TMPRSS11E: variants seen among roughly 807,000 people sequenced by gnomAD.
The protein encoded by TMPRSS11E is transmembrane serine protease 11E, also known as transmembrane protease serine 11E.
TMPRSS11E carries 38 observed loss-of-function variants against 48.1 expected under a neutral mutation model. The ratio of observed to expected loss-of-function variants is 0.79; its 90% CI spans 0.61 to 1.04. The LOEUF is 1.04. Among genes scored for constraint, TMPRSS11E ranks in the 50% least tolerant of loss-of-function variants. TMPRSS11E has a pLI of 0.00. For synonymous variants in TMPRSS11E, 158 were observed against 171.9 expected, an observed-to-expected ratio of 0.92 and a Z score of 0.63; for missense variants, 530 against 510.8, an observed-to-expected ratio of 1.04 and a Z score of -0.36.
chr4:68,452,066 G>T (rs970354094), intron 1 of TMPRSS11E, among the ~76,000 whole-genome samples: 2 of 151,900 alleles, frequency 1.3e-5, no homozygotes, highest in Non-Finnish European at 2.9e-5. Context: ...ATTGCTGTAT[G>T]CATTCTCTAA....
intron 9 of TMPRSS11E, among the ~76,000 whole-genome samples, chr4:68,483,248 CGAGA>C (rs368920205): frequency 3.3e-5 from 5 of 150,742 alleles, no homozygotes; most frequent in African/African-American, 7.3e-5. Flanking sequence ...AAAGCAGGAG[CGAGA>C]GAGAGAGAGA....
At chr4:68,494,323 C>T (rs572369100) in intron 9 of TMPRSS11E, among the ~76,000 whole-genome samples, 1 of 152,154 alleles carries the variant, frequency 6.6e-6, no homozygotes, top group Non-Finnish European at 1.5e-5. Context: ...CAACAGGCAT[C>T]ATGAAATGTT....
chr4:68,461,253 G>T (rs1376110632), intron 1 of TMPRSS11E, among the ~76,000 whole-genome samples: 2 of 152,148 alleles, frequency 1.3e-5, no homozygotes, highest in Non-Finnish European at 2.9e-5. Context: ...GGGGCCTCTG[G>T]TTGTTTCTTC....
At chr4:68,480,323 A>T (rs1018883441) in intron 9 of TMPRSS11E, among the ~76,000 whole-genome samples, 2 of 150,400 alleles carry the variant, frequency 1.3e-5, no homozygotes, top group Non-Finnish European at 1.5e-5. Flanking sequence ...TTTTTTTTGC[A>T]CTCTAGTTTC....
intron 5 of TMPRSS11E, among the ~76,000 whole-genome samples, chr4:68,472,477 C>T (rs890252971): frequency 2.0e-5 from 3 of 151,916 alleles, no homozygotes; most frequent in Non-Finnish European, 2.9e-5. Flanking sequence ...TGGAATCTAG[C>T]GTACATTTTA....
At chr4:68,462,032 T>C in intron 2 of TMPRSS11E, 87 bp downstream of exon 2, 1 of 1,525,160 alleles carries the variant, frequency 6.6e-7, no homozygotes, top group Non-Finnish European at 9.0e-7. Context: ...GGCTTATTCA[T>C]TTATCACTAC....
chr4:68,493,890 A>G (rs1306678275), intron 9 of TMPRSS11E, among the ~76,000 whole-genome samples: 1 of 151,906 alleles, frequency 6.6e-6, no homozygotes, highest in Non-Finnish European at 1.5e-5. Context: ...CATATGTAAA[A>G]ATTTTTCCTT....
chr4:68,471,679 C>A (rs916312653), intron 5 of TMPRSS11E, 56 bp downstream of exon 5: 2 of 1,380,060 alleles, frequency 1.4e-6, no homozygotes, highest in African/African-American at 1.5e-5. Context: ...TAGGTTTGAT[C>A]TTGGCACTTA....
At chr4:68,466,837 C>T in intron 3 of TMPRSS11E, 85 bp downstream of exon 3, 1 of 1,532,212 alleles carries the variant, frequency 6.5e-7, no homozygotes, top group Non-Finnish European at 9.0e-7. Context: ...AAGATCCATT[C>T]AACTAACGGA....
At position 68,461,854 on chromosome 4, in the gene TMPRSS11E, T is replaced by C. The variant is rs767123146; in HGVS notation, c.45T>C (p.Cys15=). The change falls in exon 2 of 10, where the codon TGT becomes TGC. Residue 15 remains cysteine (C), a synonymous_variant. Transcript: ENST00000305363. ...TGGTGAGGGCTAGGAAAAGAGTTTG[T>C]TGGGAACCCTGGGTTATCGGCCTCG... is the stretch of plus-strand genomic sequence containing the variant. ...PDVVRARKRV[C]WEPWVIGLVI... 1.2e-6 allele frequency: 2 copies of C among 1,614,220 alleles called. No individual in the cohort carries two copies. The highest frequency in any genetic ancestry group is 1.1e-5 in the South Asian group (1 of 91,090).
At chr4:68,451,798 A>G (rs990762398) in intron 1 of TMPRSS11E, among the ~76,000 whole-genome samples, 3 of 151,842 alleles carry the variant, frequency 2.0e-5, no homozygotes, top group Non-Finnish European at 4.4e-5. Flanking sequence ...AGGCTCAGAC[A>G]GGTAATTTTT....
intron 9 of TMPRSS11E, among the ~76,000 whole-genome samples, chr4:68,483,021 A>G (rs898384993): frequency 1.3e-5 from 2 of 152,100 alleles, no homozygotes; most frequent in Admixed American, 6.5e-5. Context: ...GCAATGCCAC[A>G]CTCATAGTTA....
At chr4:68,490,700 G>A (rs995374665) in intron 9 of TMPRSS11E, among the ~76,000 whole-genome samples, 4 of 147,902 alleles carry the variant, frequency 2.7e-5, no homozygotes, top group Non-Finnish European at 5.9e-5. Flanking sequence ...TAGATGGGGA[G>A]AGTTATTCCT....
chr4:68,492,567 T>C (rs4694433), intron 9 of TMPRSS11E, among the ~76,000 whole-genome samples: 7,272 of 152,320 alleles, frequency 0.048, 253 homozygotes, highest in Non-Finnish European at 0.067. Context: ...TGATGTGCCA[T>C]ATGGAGAAAA....
At chr4:68,484,083 T>C (rs980592838) in intron 9 of TMPRSS11E, among the ~76,000 whole-genome samples, 8 of 152,322 alleles carry the variant, frequency 5.3e-5, no homozygotes, top group African/African-American at 1.9e-4. Context: ...TGCCACCAGC[T>C]TTGTTTTTTT....
intron 1 of TMPRSS11E, among the ~76,000 whole-genome samples, chr4:68,457,322 G>T (rs1271861872): frequency 1.3e-5 from 2 of 152,192 alleles, no homozygotes; most frequent in Non-Finnish European, 2.9e-5. Flanking sequence ...GTTCATCAGA[G>T]AAATGCAAAT....
chr4:68,489,796 T>C (rs1188430380), intron 9 of TMPRSS11E, among the ~76,000 whole-genome samples: 1 of 152,220 alleles, frequency 6.6e-6, no homozygotes, highest in African/African-American at 2.4e-5. Flanking sequence ...AGTGCTTGGA[T>C]CAGATTGTTC....
chr4:68,460,374 T>C (rs190526828), intron 1 of TMPRSS11E, among the ~76,000 whole-genome samples: 82 of 152,354 alleles, frequency 5.4e-4, no homozygotes, highest in African/African-American at 1.9e-3. Context: ...AATGCTTTGC[T>C]GTTTACACGT....
chr4:68,466,758 CA>C lies in TMPRSS11E; in HGVS notation c.258+8del. On this transcript the variant is annotated splice_region_variant and intron_variant, in intron 3 of 9. Transcript: ENST00000305363. ...GCCAGAGACTTGAATCAATGGTAAG[CA>C]ACTTGTCATCTACTTCTAGTGCATT... is the stretch of plus-strand genomic sequence containing the variant. The C allele has an allele frequency of 1.2e-6, 2 of 1,613,338 alleles. No individual in the cohort carries two copies. Among genetic ancestry groups the C allele is most frequent in the Non-Finnish European group, 8.5e-7 (1 of 1,179,520 alleles).
Sources: allele counts gnomAD v4.1 joint callset (sites outside exome capture counted in the v4.1 genomes callset), GRCh38; gene constraint gnomAD v4.1.1; transcripts MANE v1.5; gene names NCBI Gene and HGNC (gene_info 2026-07-23, HGNC 2026-07-21).